Variants in LCN6 observed in about 807,000 individuals in gnomAD.
The protein encoded by LCN6 is epididymal-specific lipocalin-6.
LCN6 carries 20 observed loss-of-function variants against 21.4 expected under a neutral mutation model. That is an observed-to-expected ratio of 0.93 (90% CI 0.66 to 1.36). LCN6 has a LOEUF of 1.36. Among genes scored for constraint, LCN6 ranks in the 40% most tolerant of loss-of-function variants. The probability of loss-of-function intolerance (pLI) is 0.00; values close to 1 mark genes in which losing one functional copy is unlikely to be tolerated. For synonymous variants in LCN6, 96 were observed against 89.0 expected (o/e 1.08, Z -0.44); for missense variants, 217 against 206.6 (o/e 1.05, Z -0.31).
In LCN6 at chr9:136,745,841, C is replaced by T. The variant is rs750358781; in HGVS notation, c.301+3G>A. The stretch of plus-strand genomic sequence containing the variant: ...TGGGTGAGGCCGTGGCCGTCAGACT[C>T]ACAGGGATTCTCAAACACCCATCCG... On this transcript the variant is annotated splice_donor_region_variant and intron_variant, in intron 3 of 6. Transcript: ENST00000341206. 6.8e-6 allele frequency: 11 copies of T among 1,613,278 alleles called. No homozygotes were observed. The highest frequency in any genetic ancestry group is 9.3e-6 in the Non-Finnish European group (11 of 1,179,476).
chr9:136,747,805 TCCAGC>T, intron 1 of LCN6, among the ~76,000 whole-genome samples: 1 of 131,026 alleles, frequency 7.6e-6, no homozygotes, highest in South Asian at 2.5e-4. Flanking sequence ...CCTCCCGCCC[TCCAGC>T]CTCCAACCTT....
chr9:136,745,658 G>T, intron 3 of LCN6, 186 bp downstream of exon 3: 1 of 640,218 alleles, frequency 1.6e-6, no homozygotes, highest in Non-Finnish European at 2.8e-6. Context: ...AGCCTGCTGG[G>T]AACAAGGTTC....
Position 136,747,463 on chromosome 9 carries a change from G to A in LCN6, c.191C>T (p.Thr64Ile), listed in dbSNP as rs2131078576. ...KNVVGVVVTL[T>I]PENNLRTLSS... The stretch of plus-strand genomic sequence containing the variant: ...CAGCGTCCGCAGGTTGTTTTCTGGA[G>A]TGAGGGTCACCACCACCCCCACGAC... The change falls in exon 2 of 7, where the codon ACT becomes ATT. Residue 64 changes from threonine to isoleucine, a missense_variant. Thr to Ile is a moderately conservative substitution (Grantham distance 89). Coordinates refer to ENST00000341206, the MANE Select transcript of LCN6 (RefSeq NM_198946.3). The A allele has an allele frequency of 6.2e-7, 1 of 1,613,708 alleles. No individual in the cohort carries two copies. The highest frequency in any genetic ancestry group is 1.1e-5 in the South Asian group (1 of 91,086).
At chr9:136,747,323 G>T (rs1847052233) in intron 2 of LCN6, 101 bp downstream of exon 2, 2 of 1,371,386 alleles carry the variant, frequency 1.5e-6, no homozygotes, top group Non-Finnish European at 2.0e-6. Context: ...GCCGTGGGAA[G>T]CCCCCAGGCC....
At chr9:136,747,171 G>T (rs984847311) in intron 2 of LCN6, among the ~76,000 whole-genome samples, 1 of 152,154 alleles carries the variant, frequency 6.6e-6, no homozygotes, top group Non-Finnish European at 1.5e-5. Flanking sequence ...GCATGAAGGA[G>T]CATAGTCAGA....
intron 2 of LCN6, 116 bp downstream of exon 2, chr9:136,747,308 G>A (rs1206526496): frequency 4.2e-6 from 5 of 1,188,142 alleles, no homozygotes; most frequent in Non-Finnish European, 4.7e-6. Flanking sequence ...CGGGGGTGCA[G>A]AGGGGCCGTG....
chr9:136,744,600 G>C lies in LCN6; in HGVS notation c.*22+40C>G. ...TCACGCCCTGTGGGCTCCAGAACTT[G>C]CCCCAAGCCTCCCCCGAGGCTGCTC... On this transcript the variant is annotated intron_variant, in intron 5 of 6. Transcript: ENST00000341206. This position sits in a 1 kb window ranked among gnomAD's most constrained non-coding sequence, Gnocchi z 4.2. 7.5e-7 allele frequency: 1 copy of C among 1,338,386 alleles called. No individual in the cohort carries two copies. The highest frequency in any genetic ancestry group is 1.1e-6 in the Non-Finnish European group (1 of 947,234). The allele number at this position is 1,338,386 out of a possible 1,614,324, so 82.9% of individuals were successfully genotyped here.
At chr9:136,747,609 CAGCCT>C in intron 1 of LCN6, 46 bp from the exon 2 acceptor site, 2 of 1,588,202 alleles carry the variant, frequency 1.3e-6, no homozygotes, top group Non-Finnish European at 1.7e-6. Context: ...CTCCAGCCTC[CAGCCT>C]CCAGCCTCCA....
In LCN6 at chr9:136,748,423, C is replaced by A. The variant is rs142707928; in HGVS notation, c.61G>T (p.Val21Leu). Reference protein sequence around the residue: ...ALVSVPRAQAVWLGRLDPEQL... With the variant: ...ALVSVPRAQALWLGRLDPEQL... ...TCAGGGTCCAGTCTTCCCAACCACACGGCCTGGGCCCTGGGCACCGAGACC... is the reference window on the plus strand; with the variant it reads ...TCAGGGTCCAGTCTTCCCAACCACAAGGCCTGGGCCCTGGGCACCGAGACC... Residue 21 changes from valine (V) to leucine (L), a missense_variant, in exon 1 of 7, where the codon GTG (valine) becomes TTG (leucine). Physicochemically the swap from Val to Leu is conservative, Grantham distance 32. Transcript: ENST00000341206. The A allele has an allele frequency of 1.9e-6, 3 of 1,612,990 alleles. No homozygotes were observed. Among genetic ancestry groups the A allele is most frequent in the Non-Finnish European group, 2.5e-6 (3 of 1,179,884 alleles).
At position 136,747,438 on chromosome 9, in the gene LCN6, C is replaced by G. The variant is rs1213223914; in HGVS notation, c.216G>C (p.Leu72=). Residue 72 remains leucine, a synonymous_variant, in exon 2 of 7, where the codon CTG becomes CTC. Transcript: ENST00000341206. ...TLTPENNLRT[L]SSQHGLGGCD... is the part of the protein sequence containing the mutation. The stretch of plus-strand genomic sequence containing the variant: ...CGCCCACTCACCCGTGCTGAGAGGA[C>G]AGCGTCCGCAGGTTGTTTTCTGGAG... The G allele has an allele frequency of 6.2e-7, 1 of 1,613,354 alleles. No individual in the cohort carries two copies. The highest frequency in any genetic ancestry group is 8.5e-7 in the Non-Finnish European group (1 of 1,179,810).
At chr9:136,746,605 G>C (rs1847041907) in intron 2 of LCN6, among the ~76,000 whole-genome samples, 1 of 150,926 alleles carries the variant, frequency 6.6e-6, no homozygotes, top group Non-Finnish European at 1.5e-5. Context: ...AGCTCGCCCT[G>C]AGGCCAGGCC....
At chr9:136,748,018 C>T (rs1206851348) in intron 1 of LCN6, among the ~76,000 whole-genome samples, 4 of 149,560 alleles carry the variant, frequency 2.7e-5, no homozygotes, top group Admixed American at 6.6e-5. Flanking sequence ...TCCAGTTCTG[C>T]AGCCCTCCAG....
In LCN6 at chr9:136,744,999, A is replaced by G. The variant is rs555559105; in HGVS notation, c.412+171T>C. ...ACCACACAGCTCCCCATGTGGCCCC[A>G]AGCGGCCCACTCACCACACAGCTCC... On this transcript the variant is annotated intron_variant, in intron 4 of 6. Transcript: ENST00000341206. This position sits in a 1 kb window ranked among gnomAD's most constrained non-coding sequence, Gnocchi z 4.2. Among the ~76,000 whole-genome samples, 159 of 93,784 alleles carry G rather than the reference A, an allele frequency of 1.7e-3. No individual in the cohort carries two copies. The highest frequency in any genetic ancestry group is 2.7e-3 in the Non-Finnish European group (120 of 45,164). The allele number at this position is 93,784 out of a possible 152,430, so 61.5% of individuals were successfully genotyped here. A position where few individuals can be genotyped will look rare whatever the true frequency, so the allele number is the denominator to read the frequency against.
rs761601384 is a variant in LCN6 at position 136,745,890 on chromosome 9, G to T, written c.255C>A (p.Val85=). Residue 85 remains valine (V), a synonymous_variant, in exon 3 of 7, where the codon GTC becomes GTA. Transcript: ENST00000341206. ...QHGLGGCDQS[V]MDLIKRNSGW... ...CGGAGTTTCGCTTTATCAGGTCCATGACACTCTGGTCACACCCTCCCAGCC... is the reference window on the plus strand; with the variant it reads ...CGGAGTTTCGCTTTATCAGGTCCATTACACTCTGGTCACACCCTCCCAGCC... 1.2e-6 allele frequency: 2 copies of T among 1,613,768 alleles called. No homozygotes were observed. Among genetic ancestry groups the T allele is most frequent in the Admixed American group, 3.3e-5 (2 of 60,022 alleles).
In LCN6 at chr9:136,747,479, C is replaced by A. The variant is rs755402617; in HGVS notation, c.175G>T (p.Val59Leu). 1.2e-5 allele frequency: 19 copies of A among 1,613,532 alleles called. No homozygotes were observed. In the South Asian group the frequency reaches 1.2e-4, roughly 10 times the overall value. The change falls in exon 2 of 7, where the codon GTG becomes TTG. Residue 59 changes from valine to leucine, a missense_variant. Transcript: ENST00000341206. ...TTTTCTGGAGTGAGGGTCACCACCA[C>A]CCCCACGACGTTCTTCATGTCCTTC... ...MEKDMKNVVG[V>L]VVTLTPENNL...
intron 3 of LCN6, 68 bp downstream of exon 3, chr9:136,745,776 G>A: frequency 7.0e-7 from 1 of 1,426,492 alleles, no homozygotes; most frequent in South Asian, 1.1e-5. Flanking sequence ...CTCCGTCCCT[G>A]CCCGCAGGGG....
Position 136,744,683 on chromosome 9 carries a change from G to A in LCN6, c.471C>T (p.Ser157=). ...AMGLFTKWSR[S]LGFLSQ is the part of the protein sequence containing the mutation. ...CCTGCTACTGTGACAGGAAGCCCAGGCTCCTGCTCCACTTGGTGAAGAGCC... is the reference window on the plus strand; with the variant it reads ...CCTGCTACTGTGACAGGAAGCCCAGACTCCTGCTCCACTTGGTGAAGAGCC... Residue 157 remains serine (S), a synonymous_variant, in exon 5 of 7, where the codon AGC becomes AGT. Transcript: ENST00000341206. This position sits in a 1 kb window ranked among gnomAD's most constrained non-coding sequence, Gnocchi z 4.2. 3.1e-6 allele frequency: 5 copies of A among 1,609,300 alleles called. No individual in the cohort carries two copies. The highest frequency in any genetic ancestry group is 4.2e-6 in the Non-Finnish European group (5 of 1,177,262).
In LCN6 at chr9:136,745,211, A is replaced by G; in HGVS notation, c.371T>C (p.Leu124Pro). ...GTTGAAGGGCTCGTCCCCGAACTCCAGCTGAGTGAAGATGATGGCATAGTC... is the reference window on the plus strand; with the variant it reads ...GTTGAAGGGCTCGTCCCCGAACTCCGGCTGAGTGAAGATGATGGCATAGTC... ...FRDYAIIFTQ[L>P]EFGDEPFNTV... The change falls in exon 4 of 7, where the codon CTG (leucine) becomes CCG (proline). Residue 124 changes from leucine to proline, a missense_variant. Coordinates refer to ENST00000341206, the MANE Select transcript of LCN6 (RefSeq NM_198946.3). 1 of 1,613,672 alleles carries G rather than the reference A, an allele frequency of 6.2e-7. No homozygotes were observed. Among genetic ancestry groups the G allele is most frequent in the Non-Finnish European group, 8.5e-7 (1 of 1,179,856 alleles).
Position 136,745,238 on chromosome 9 carries a change from C to G in LCN6, c.344G>C (p.Arg115Thr), listed in dbSNP as rs150301534. 2.5e-6 allele frequency: 4 copies of G among 1,613,768 alleles called. No homozygotes were observed. The highest frequency in any genetic ancestry group is 2.7e-5 in the African/African-American group (2 of 75,058). Residue 115 changes from arginine (R) to threonine (T), a missense_variant, in exon 4 of 7, where the codon AGA becomes ACA. Transcript: ENST00000341206. ...CTGAGTGAAGATGATGGCATAGTCT[C>G]TGAAGTTGGTGGCCAGCACCCAGAG... ...LELWVLATNFRDYAIIFTQLE... is the reference protein window; with the variant it reads ...LELWVLATNFTDYAIIFTQLE...
Sources: allele counts gnomAD v4.1 joint callset (sites outside exome capture counted in the v4.1 genomes callset), GRCh38; gene constraint gnomAD v4.1.1; non-coding constraint Gnocchi (gnomAD v3.1); transcripts MANE v1.5; gene names NCBI Gene and HGNC (gene_info 2026-07-23, HGNC 2026-07-21).